Variants in BICC1 observed in about 807,000 individuals in gnomAD.
BICC1 encodes BicC family RNA binding protein 1.
A neutral mutation model predicts 111.0 loss-of-function variants in BICC1; 43 were observed. The observed-to-expected ratio is 0.39, with a 90% confidence interval of 0.30 to 0.50. The LOEUF (loss-of-function observed/expected upper bound fraction) is 0.50, where lower values mean the gene tolerates loss of function less well. BICC1 is among the 20% of genes least tolerant of loss of function. The pLI, the probability that BICC1 is intolerant of heterozygous loss-of-function variation, is 0.88. For missense variants in BICC1, 1,091 were observed against 1,203.2 expected (o/e 0.91, Z 1.38); for synonymous variants, 467 against 434.4 (o/e 1.07, Z -0.93).
chr10:58,530,227 G>A (rs181572053), intron 1 of BICC1, among the ~76,000 whole-genome samples: 502 of 151,874 alleles, frequency 3.3e-3, no homozygotes, highest in Non-Finnish European at 5.8e-3. Flanking sequence ...ACAAGACCAA[G>A]AAGTGAAATG....
At chr10:58,605,653 C>T (rs755034320) in intron 1 of BICC1, among the ~76,000 whole-genome samples, 18 of 152,152 alleles carry the variant, frequency 1.2e-4, no homozygotes, top group Admixed American at 1.3e-4. Context: ...CTCTAGATTA[C>T]TTACAATACC....
At chr10:58,656,548 C>T (rs1053668915) in intron 2 of BICC1, among the ~76,000 whole-genome samples, 41 of 150,204 alleles carry the variant, frequency 2.7e-4, no homozygotes, top group Middle Eastern at 3.4e-3. Context: ...GTTCAATATA[C>T]GCAAATCAAT....
intron 2 of BICC1, among the ~76,000 whole-genome samples, chr10:58,686,682 G>A (rs531995378): frequency 8.5e-5 from 13 of 152,134 alleles, no homozygotes; most frequent in East Asian, 3.9e-4. Flanking sequence ...TTGTGCATGC[G>A]TCATGTAGTT....
At chr10:58,718,777 TGCGC>T (rs1840837001) in intron 3 of BICC1, among the ~76,000 whole-genome samples, 1 of 131,804 alleles carries the variant, frequency 7.6e-6, no homozygotes, top group African/African-American at 2.9e-5. Context: ...CGCGCGCGCG[TGCGC>T]GCGTGCGCAC....
intron 5 of BICC1, among the ~76,000 whole-genome samples, 179 bp downstream of exon 5, chr10:58,787,260 A>G (rs1843037017): frequency 1.3e-5 from 2 of 151,984 alleles, no homozygotes; most frequent in East Asian, 3.9e-4. Context: ...TTTTGAGGAG[A>G]TGAGTTGTAG....
chr10:58,529,806 A>T (rs1415945213), intron 1 of BICC1, among the ~76,000 whole-genome samples: 1 of 151,890 alleles, frequency 6.6e-6, no homozygotes, highest in Non-Finnish European at 1.5e-5. Context: ...TCAAAAATAT[A>T]TTTACTATCA....
At chr10:58,809,532 G>T (rs1257929893) in intron 17 of BICC1, among the ~76,000 whole-genome samples, 2 of 151,700 alleles carry the variant, frequency 1.3e-5, no homozygotes, top group African/African-American at 4.8e-5. Flanking sequence ...GAGCTACCAC[G>T]CCTGGCCAGT....
At chr10:58,553,399 G>A (rs1037922610) in intron 1 of BICC1, among the ~76,000 whole-genome samples, 89 of 152,274 alleles carry the variant, frequency 5.8e-4, no homozygotes, top group African/African-American at 2.0e-3. Context: ...ATGGAAGGAA[G>A]CTGCAAGGAA....
chr10:58,733,769 G>A (rs1841388803), intron 3 of BICC1, among the ~76,000 whole-genome samples: 1 of 152,214 alleles, frequency 6.6e-6, no homozygotes, highest in African/African-American at 2.4e-5. Flanking sequence ...TTGCTGGTTG[G>A]CATTGATAGT....
At position 58,625,087 on chromosome 10, in the gene BICC1, G is replaced by A. The variant is rs935038802; in HGVS notation, c.237+4186G>A. On this transcript the variant is annotated intron_variant, in intron 2 of 20. Transcript: ENST00000373886. ...CTGTAATAGTACTTTTTATTCTTCG[G>A]CTCTGACTACACTTATAAAAGGCGG... Among the ~76,000 whole-genome samples, 23 of 151,966 alleles carry A rather than the reference G, an allele frequency of 1.5e-4. 1 individual carries two copies. The highest frequency in any genetic ancestry group is 1.5e-5 in the Non-Finnish European group (1 of 68,010).
chr10:58,513,408 C>T, intron 1 of BICC1, 75 bp downstream of exon 1: 4 of 1,360,132 alleles, frequency 2.9e-6, no homozygotes, highest in Middle Eastern at 1.9e-4. Flanking sequence ...CCGCGCGCTC[C>T]GGCGCCCGCT....
At chr10:58,686,980 C>T (rs759715240) in intron 2 of BICC1, among the ~76,000 whole-genome samples, 7 of 152,166 alleles carry the variant, frequency 4.6e-5, no homozygotes, top group Admixed American at 2.0e-4. Flanking sequence ...CTTTTCTGCT[C>T]GGGTTTCTCC....
chr10:58,579,021 T>G (rs1344179083), intron 1 of BICC1, among the ~76,000 whole-genome samples: 1 of 152,202 alleles, frequency 6.6e-6, no homozygotes, highest in African/African-American at 2.4e-5. Flanking sequence ...TGATTTCTCA[T>G]GAAAGTTCTG....
chr10:58,764,030 C>T (rs973738767), intron 3 of BICC1, among the ~76,000 whole-genome samples: 2 of 152,060 alleles, frequency 1.3e-5, no homozygotes, highest in Non-Finnish European at 1.5e-5. Context: ...TTTGGGGGCC[C>T]TCAGAAGGTA....
chr10:58,546,727 TAA>T (rs968466301), intron 1 of BICC1, among the ~76,000 whole-genome samples: 6 of 152,120 alleles, frequency 3.9e-5, no homozygotes, highest in Non-Finnish European at 8.8e-5. Flanking sequence ...AAACTTTTTT[TAA>T]AAAAATAATT....
At chr10:58,514,921 C>G (rs1374105605) in intron 1 of BICC1, among the ~76,000 whole-genome samples, 1 of 152,162 alleles carries the variant, frequency 6.6e-6, no homozygotes, top group Non-Finnish European at 1.5e-5. Context: ...GTAGCACATA[C>G]TCATCCTTTT....
intron 3 of BICC1, among the ~76,000 whole-genome samples, chr10:58,710,182 C>T (rs1176459784): frequency 6.6e-6 from 1 of 152,064 alleles, no homozygotes; most frequent in South Asian, 2.1e-4. Flanking sequence ...GAAACTAAAG[C>T]CAGTAAAGGT....
intron 1 of BICC1, among the ~76,000 whole-genome samples, chr10:58,536,050 C>T (rs903165659): frequency 2.1e-4 from 32 of 151,110 alleles, no homozygotes; most frequent in African/African-American, 7.8e-4. Flanking sequence ...TATATATGCA[C>T]CTAACTCCAG....
At chr10:58,581,226 A>G (rs928476713) in intron 1 of BICC1, among the ~76,000 whole-genome samples, 1 of 152,134 alleles carries the variant, frequency 6.6e-6, no homozygotes, top group East Asian at 1.9e-4. Context: ...CCTCTTTTTA[A>G]AAGTGTTAAC....
Sources: gnomAD v4.1 joint callset for allele counts (sites outside exome capture counted in the v4.1 genomes callset) on GRCh38, gnomAD v4.1.1 for gene constraint, MANE v1.5 for transcripts, NCBI Gene and HGNC (gene_info 2026-07-23, HGNC 2026-07-21) for gene names.